Variants in ITGB3BP observed in about 807,000 individuals in gnomAD.
ITGB3BP encodes the protein centromere protein R.
Under a neutral mutation model 29.1 loss-of-function variants are expected in ITGB3BP, and 27 were observed. That is an observed-to-expected ratio of 0.93 (90% CI 0.68 to 1.28). The LOEUF is 1.28. Among genes scored for constraint, ITGB3BP ranks in the 50% most tolerant of loss-of-function variants. The pLI is 0.00. For synonymous variants in ITGB3BP, 61 were observed against 61.4 expected, an observed-to-expected ratio of 0.99 and a Z score of 0.03; for missense variants, 192 against 200.2, an observed-to-expected ratio of 0.96 and a Z score of 0.25.
At chr1:63,455,045 C>CT in intron 4 of ITGB3BP, 77 bp from the exon 5 acceptor site, 1 of 711,176 alleles carries the variant, frequency 1.4e-6, no homozygotes, top group Non-Finnish European at 2.5e-6. Context: ...AGCTTTAACT[C>CT]TTTTTAAAGG....
At chr1:63,482,342 A>G (rs1005675717) in intron 3 of ITGB3BP, among the ~76,000 whole-genome samples, 18 of 149,782 alleles carry the variant, frequency 1.2e-4, no homozygotes, top group Middle Eastern at 7.0e-3. Context: ...TGCTGCTTCT[A>G]GGTACCCATA....
At chr1:63,461,897 A>C (rs1476152583) in intron 4 of ITGB3BP, among the ~76,000 whole-genome samples, 2 of 152,214 alleles carry the variant, frequency 1.3e-5, no homozygotes, top group Non-Finnish European at 2.9e-5. Context: ...AAATCAGGAA[A>C]TATGAGTCTT....
At chr1:63,443,944 G>T (rs1024644763) in intron 8 of ITGB3BP, among the ~76,000 whole-genome samples, 28 of 152,078 alleles carry the variant, frequency 1.8e-4, no homozygotes, top group Non-Finnish European at 2.9e-5. Context: ...TAATAATTTG[G>T]AAACCATATA....
chr1:63,466,837 C>T (rs965784369), intron 4 of ITGB3BP, among the ~76,000 whole-genome samples: 2 of 152,178 alleles, frequency 1.3e-5, no homozygotes, highest in African/African-American at 4.8e-5. Context: ...AAGAATTTTA[C>T]AAACATTATT....
intron 4 of ITGB3BP, among the ~76,000 whole-genome samples, 186 bp from the exon 5 acceptor site, chr1:63,455,154 G>A (rs1248314684): frequency 6.6e-6 from 1 of 151,988 alleles, no homozygotes; most frequent in South Asian, 2.1e-4. Context: ...CTGAGCAGTG[G>A]GATGGAAGAC....
chr1:63,510,113 G>A (rs1401941814), intron 1 of ITGB3BP: 3 of 633,596 alleles, frequency 4.7e-6, no homozygotes, highest in Non-Finnish European at 5.8e-6. Flanking sequence ...TCGCTTGAAC[G>A]CGGGAAGCAG....
intron 2 of ITGB3BP, among the ~76,000 whole-genome samples, chr1:63,492,045 A>G (rs182083270): frequency 3.3e-5 from 5 of 152,270 alleles, no homozygotes; most frequent in African/African-American, 7.2e-5. Flanking sequence ...ATGTACATCT[A>G]TATCTATCTG....
At chr1:63,499,863 A>C (rs1243144959) in intron 2 of ITGB3BP, among the ~76,000 whole-genome samples, 1 of 152,230 alleles carries the variant, frequency 6.6e-6, no homozygotes, top group Admixed American at 6.5e-5. Flanking sequence ...ACATGTATGA[A>C]AAACTCAGAG....
At chr1:63,508,298 T>C (rs1220764025) in intron 2 of ITGB3BP, among the ~76,000 whole-genome samples, 1 of 152,106 alleles carries the variant, frequency 6.6e-6, no homozygotes, top group African/African-American at 2.4e-5. Flanking sequence ...TTTTAAATAA[T>C]TAATTTGCTT....
chr1:63,448,276 A>G (rs1414075184), intron 7 of ITGB3BP, among the ~76,000 whole-genome samples: 5 of 150,640 alleles, frequency 3.3e-5, no homozygotes, highest in African/African-American at 4.9e-5. Flanking sequence ...ACATGTATAC[A>G]TATGTAACTA....
chr1:63,445,820 GCTCAAGCGATC>G (rs1644784396), intron 8 of ITGB3BP, among the ~76,000 whole-genome samples: 2 of 151,942 alleles, frequency 1.3e-5, no homozygotes, highest in Non-Finnish European at 2.9e-5. Context: ...CTGGTCCTGG[GCTCAAGCGATC>G]CTCTCACCTT....
rs1459297116 is a variant in ITGB3BP at position 63,474,922 on chromosome 1, AAAAC to A, written c.254+3838_254+3841del. Among the ~76,000 whole-genome samples, 11 of 2,488 alleles carry A rather than the reference AAAAC, an allele frequency of 4.4e-3. 1 individual carries two copies. The highest frequency in any genetic ancestry group is 0.17 in the South Asian group (2 of 12). 1.6% of individuals were successfully genotyped at this position (2,488 alleles called of 152,430 possible). ...AAAAATAAATAAATAAAATAAAAAC[AAAAC>A]AAAACAAAAACAAAAACTGATCCAC... On this transcript the variant is annotated intron_variant, in intron 4 of 8. Coordinates refer to ENST00000271002, the MANE Select transcript of ITGB3BP (RefSeq NM_014288.5).
At chr1:63,494,279 C>T (rs938844619) in intron 2 of ITGB3BP, among the ~76,000 whole-genome samples, 6 of 152,168 alleles carry the variant, frequency 3.9e-5, no homozygotes, top group African/African-American at 9.6e-5. Flanking sequence ...CCACCACGTC[C>T]GGCTAATTTG....
At chr1:63,444,983 A>C (rs1031272735) in intron 8 of ITGB3BP, among the ~76,000 whole-genome samples, 1 of 152,132 alleles carries the variant, frequency 6.6e-6, no homozygotes, top group Non-Finnish European at 1.5e-5. Context: ...CACTGCTGGC[A>C]CATAGAAATT....
chr1:63,471,616 G>A (rs1397290730), intron 4 of ITGB3BP, among the ~76,000 whole-genome samples: 1 of 151,990 alleles, frequency 6.6e-6, no homozygotes, highest in African/African-American at 2.4e-5. Flanking sequence ...TGATTTTTGT[G>A]CATGGTGTGA....
intron 4 of ITGB3BP, among the ~76,000 whole-genome samples, chr1:63,472,315 C>G (rs1419931950): frequency 2.0e-5 from 3 of 151,160 alleles, no homozygotes; most frequent in Admixed American, 2.0e-4. Flanking sequence ...ATTCTAGAAG[C>G]AGATGCCTTG....
intron 4 of ITGB3BP, among the ~76,000 whole-genome samples, chr1:63,461,204 A>G (rs1049554649): frequency 3.4e-5 from 5 of 148,318 alleles, no homozygotes; most frequent in African/African-American, 1.3e-4. Flanking sequence ...CAGTAAGCCA[A>G]GATTGCGCCA....
chr1:63,516,440 A>C (rs1408916373), intron 1 of ITGB3BP, among the ~76,000 whole-genome samples: 7 of 152,020 alleles, frequency 4.6e-5, no homozygotes, highest in Non-Finnish European at 7.4e-5. Context: ...AAAGAAAATC[A>C]ACTGGGTGTG....
chr1:63,493,101 CAA>C (rs1413519075), intron 2 of ITGB3BP, among the ~76,000 whole-genome samples: 1 of 151,456 alleles, frequency 6.6e-6, no homozygotes, highest in Non-Finnish European at 1.5e-5. Flanking sequence ...CGCGCGCGCG[CAA>C]GAAAATAGAT....
Sources: gnomAD v4.1 joint callset for allele counts (sites outside exome capture counted in the v4.1 genomes callset) on GRCh38, gnomAD v4.1.1 for gene constraint, MANE v1.5 for transcripts, NCBI Gene and HGNC (gene_info 2026-07-23, HGNC 2026-07-21) for gene names.